CHD1: variants seen among roughly 807,000 people sequenced by gnomAD.
CHD1 encodes chromodomain helicase DNA binding protein 1.
In CHD1, 36 loss-of-function variants were observed where a neutral mutation model predicts 224.2. That is an observed-to-expected ratio of 0.16 (90% CI 0.12 to 0.21). The LOEUF (loss-of-function observed/expected upper bound fraction) is 0.21. CHD1 is among the 10% of genes least tolerant of loss of function. The pLI, the probability that CHD1 is intolerant of heterozygous loss-of-function variation, is 1.00. For missense variants in CHD1, 1,378 were observed against 1,994.8 expected (o/e 0.69, Z 5.89); for synonymous variants, 668 against 658.3 (o/e 1.01, Z -0.23).
At chr5:98,890,561 G>C (rs753594290) in intron 15 of CHD1, among the ~76,000 whole-genome samples, 2 of 152,096 alleles carry the variant, frequency 1.3e-5, no homozygotes, top group Non-Finnish European at 2.9e-5. Context: ...CATGATATAT[G>C]ACTAGCACTA....
At chr5:98,916,882 A>T (rs1377488500) in intron 2 of CHD1, among the ~76,000 whole-genome samples, 1 of 152,128 alleles carries the variant, frequency 6.6e-6, no homozygotes, top group African/African-American at 2.4e-5. Context: ...GGTACCCCTT[A>T]TACAACTAAT....
intron 23 of CHD1, 101 bp downstream of exon 23, chr5:98,879,451 A>G: frequency 9.8e-7 from 1 of 1,018,066 alleles, no homozygotes; most frequent in South Asian, 1.9e-5. Flanking sequence ...GGCCATTACA[A>G]GAAAAGAAAA....
Position 98,860,034 on chromosome 5 carries a change from A to T in CHD1, c.4462T>A (p.Phe1488Ile). The change falls in exon 33 of 36, where the codon TTT becomes ATT. Residue 1488 changes from phenylalanine (F) to isoleucine (I), a missense_variant. Transcript: ENST00000614616. Reference sequence around the variant, plus strand: ...AATTTATGTAATTTTCTTGCATCAAATTCAGTAAACTTAGATACAAAAATC... The same window carrying T: ...AATTTATGTAATTTTCTTGCATCAATTTCAGTAAACTTAGATACAAAAATC... ...LWIFVSKFTE[F>I]DARKLHKLYK... 6.4e-7 allele frequency: 1 copy of T among 1,570,162 alleles called. No homozygotes were observed. Among genetic ancestry groups the T allele is most frequent in the Non-Finnish European group, 8.7e-7 (1 of 1,154,118 alleles).
chr5:98,878,777 A>G (rs992955489), intron 23 of CHD1, among the ~76,000 whole-genome samples: 2 of 152,218 alleles, frequency 1.3e-5, no homozygotes, highest in Non-Finnish European at 2.9e-5. Flanking sequence ...GTCAAAGATA[A>G]GTCATATGGG....
intron 31 of CHD1, among the ~76,000 whole-genome samples, chr5:98,864,778 TAAGA>T (rs1226423706): frequency 2.0e-5 from 3 of 152,214 alleles, no homozygotes; most frequent in African/African-American, 7.2e-5. Context: ...TCTGATGCTT[TAAGA>T]AAGGGAAAAT....
At chr5:98,869,909 C>T (rs776479799) in intron 29 of CHD1, 27 bp from the exon 30 acceptor site, 9 of 1,538,598 alleles carry the variant, frequency 5.8e-6, no homozygotes, top group African/African-American at 1.4e-5. Context: ...TAATTTTAAC[C>T]AATTCTACAG....
At chr5:98,926,589 T>G (rs2112681677) in intron 1 of CHD1, 55 bp from the exon 2 acceptor site, 1 of 371,106 alleles carries the variant, frequency 2.7e-6, no homozygotes, top group African/African-American at 2.1e-5. Flanking sequence ...AAAGGTAAAT[T>G]AAGCCCTGTC....
At chr5:98,890,757 A>T (rs1273772731) in intron 15 of CHD1, among the ~76,000 whole-genome samples, 1 of 152,190 alleles carries the variant, frequency 6.6e-6, no homozygotes, top group Non-Finnish European at 1.5e-5. Context: ...CTACCTACCA[A>T]TCTGTAGGAA....
At chr5:98,866,863 T>G (rs186730427) in intron 31 of CHD1, among the ~76,000 whole-genome samples, 1 of 152,280 alleles carries the variant, frequency 6.6e-6, no homozygotes, top group African/African-American at 2.4e-5. Context: ...CTTTTTTCTC[T>G]AACATTATTA....
At chr5:98,900,705 G>GC (rs55979710) in intron 7 of CHD1, 106 bp downstream of exon 7, 58,619 of 970,312 alleles carry the variant, frequency 0.06, 2,094 homozygotes, top group African/African-American at 0.1. Context: ...ATCGGCCTCG[G>GC]CCCCCCAAAG....
In CHD1 at chr5:98,928,695, G is replaced by C. The variant is rs1003002542; in HGVS notation, c.-305C>G. 6.5e-6 allele frequency: 1 copy of C among 153,684 alleles called. No individual in the cohort carries two copies. Among genetic ancestry groups the C allele is most frequent in the Non-Finnish European group, 1.5e-5 (1 of 68,946 alleles). 9.5% of individuals were successfully genotyped at this position (153,684 alleles called of 1,614,324 possible). ...GGAAGGGGACAGACGCGGAGGGGAAGGGGAAGCCCCGGTCCGCAGCACCAA... is the reference window on the plus strand; with the variant it reads ...GGAAGGGGACAGACGCGGAGGGGAACGGGAAGCCCCGGTCCGCAGCACCAA... On this transcript the variant is annotated 5_prime_UTR_variant, in exon 1 of 36. Coordinates refer to ENST00000614616, the MANE Select transcript of CHD1 (RefSeq NM_001270.4).
At chr5:98,900,343 TA>T (rs1751619268) in intron 7 of CHD1, among the ~76,000 whole-genome samples, 1 of 150,610 alleles carries the variant, frequency 6.6e-6, no homozygotes, top group Admixed American at 6.6e-5. Context: ...GTACTCAGGC[TA>T]AGCAAAGTAG....
rs760692540 is a variant in CHD1, at chr5:98,872,568, T to TA, written c.3572-14dup. On this transcript the variant is annotated splice_polypyrimidine_tract_variant and intron_variant, in intron 26 of 35. Coordinates refer to ENST00000614616, the MANE Select transcript of CHD1 (RefSeq NM_001270.4). The stretch of plus-strand genomic sequence containing the variant: ...CCGAGTCTACCACCTTGATTTTTTT[T>TA]AAAAAAACCAGTATTTTTAAAAGTA... 8.5e-5 allele frequency: 136 copies of TA among 1,608,250 alleles called. No individual in the cohort carries two copies. The highest frequency in any genetic ancestry group is 2.0e-4 in the East Asian group (9 of 44,796).
Position 98,903,778 on chromosome 5 carries a change from T to C in CHD1, c.372+14A>G. ...TGTCCACTTTTAAAATAATAGCTCA[T>C]GATGAAAATGCACCTCTTCTGATCC... On this transcript the variant is annotated intron_variant, in intron 4 of 35. Transcript: ENST00000614616. The C allele has an allele frequency of 1.3e-6, 2 of 1,551,032 alleles. No individual in the cohort carries two copies. Among genetic ancestry groups the C allele is most frequent in the South Asian group, 1.1e-5 (1 of 89,774 alleles).
chr5:98,903,728 ATACTAGT>A, intron 4 of CHD1, 57 bp downstream of exon 4: 1 of 1,061,842 alleles, frequency 9.4e-7, no homozygotes, highest in Non-Finnish European at 1.5e-6. Context: ...AATTTCACAA[ATACTAGT>A]TAACTGATTC....
rs888650232 is a variant in CHD1 at position 98,928,714 on chromosome 5, G to C, written c.-324C>G. ...GGGGAAGGGGAAGCCCCGGTCCGCA[G>C]CACCAACGCGCGATCCCCTGCGGAG... On this transcript the variant is annotated 5_prime_UTR_variant, in exon 1 of 36. Coordinates refer to ENST00000614616, the MANE Select transcript of CHD1 (RefSeq NM_001270.4). 1 of 153,846 alleles carries C rather than the reference G, an allele frequency of 6.5e-6. No homozygotes were observed. The highest frequency in any genetic ancestry group is 6.5e-5 in the Admixed American group (1 of 15,284). 9.5% of individuals were successfully genotyped at this position (153,846 alleles called of 1,614,324 possible).
At chr5:98,895,112 T>C (rs1580452876) in intron 12 of CHD1, among the ~76,000 whole-genome samples, 2 of 152,332 alleles carry the variant, frequency 1.3e-5, no homozygotes, top group East Asian at 3.9e-4. Context: ...TGAGCCGGCA[T>C]GCCCGGCCAG....
chr5:98,912,264 A>G (rs1752471858), intron 2 of CHD1, among the ~76,000 whole-genome samples: 1 of 152,232 alleles, frequency 6.6e-6, no homozygotes, highest in South Asian at 2.1e-4. Context: ...TGAAAATACA[A>G]TTATCTAATG....
intron 3 of CHD1, 53 bp downstream of exon 3, chr5:98,904,844 T>C: frequency 6.6e-7 from 1 of 1,503,878 alleles, no homozygotes; most frequent in Non-Finnish European, 9.3e-7. Flanking sequence ...TCCTCTAAAT[T>C]TTCCCAAAGT....
Sources: gnomAD v4.1 joint callset for allele counts (sites outside exome capture counted in the v4.1 genomes callset) on GRCh38, gnomAD v4.1.1 for gene constraint, MANE v1.5 for transcripts, NCBI Gene and HGNC (gene_info 2026-07-23, HGNC 2026-07-21) for gene names.